Variants in PIP4P2 observed in about 807,000 individuals in gnomAD.
The protein encoded by PIP4P2 is type 2 phosphatidylinositol 4,5-bisphosphate 4-phosphatase.
Under a neutral mutation model 33.3 loss-of-function variants are expected in PIP4P2, and 19 were observed. That is an observed-to-expected ratio of 0.57 (90% CI 0.40 to 0.84). The LOEUF (loss-of-function observed/expected upper bound fraction) is 0.84, where lower values mean the gene tolerates loss of function less well. PIP4P2 is among the 40% of genes least tolerant of loss of function. The pLI is 0.00. For synonymous variants in PIP4P2, 110 were observed against 111.9 expected (o/e 0.98, Z 0.11); for missense variants, 270 against 324.7 (o/e 0.83, Z 1.29).
At chr8:91,018,636 TC>T in intron 3 of PIP4P2, 123 bp from the exon 4 acceptor site, 1 of 1,458,280 alleles carries the variant, frequency 6.9e-7, no homozygotes, top group Admixed American at 2.1e-5. Flanking sequence ...GAATTAAATG[TC>T]AAGCTGGAGG....
intron 1 of PIP4P2, among the ~76,000 whole-genome samples, chr8:91,038,179 C>T (rs1422291548): frequency 6.6e-6 from 1 of 152,186 alleles, no homozygotes; most frequent in South Asian, 2.1e-4. Context: ...TATTAATAAT[C>T]TGTCTAGAAA....
intron 4 of PIP4P2, among the ~76,000 whole-genome samples, chr8:91,012,570 T>C (rs1244775592): frequency 6.6e-6 from 1 of 152,130 alleles, no homozygotes; most frequent in African/African-American, 2.4e-5. Flanking sequence ...GTTCCCCTAA[T>C]CAACAAAAAC....
chr8:91,001,132 A>G (rs1811692728), intron 5 of PIP4P2, among the ~76,000 whole-genome samples: 1 of 152,132 alleles, frequency 6.6e-6, no homozygotes, highest in Admixed American at 6.6e-5. Context: ...AATAAATAAC[A>G]CATAAAAATA....
chr8:91,040,835 C>CGCTGCTGCCGCTGCA lies in PIP4P2; in HGVS notation c.-101_-87dup, dbSNP rs1479113741. On this transcript the variant is annotated 5_prime_UTR_variant, in exon 1 of 7. Transcript: ENST00000285419. ...TGGCTACTGCTGCTGCCTCTGCTGC[C>CGCTGCTGCCGCTGCA]GCTGCTGCCGCTGCAGCTGCTGCTG... 8.6e-7 allele frequency: 1 copy of CGCTGCTGCCGCTGCA among 1,167,184 alleles called. No homozygotes were observed. Among genetic ancestry groups the CGCTGCTGCCGCTGCA allele is most frequent in the Non-Finnish European group, 1.2e-6 (1 of 825,132 alleles). 72.3% of individuals were successfully genotyped at this position (1,167,184 alleles called of 1,614,324 possible).
intron 1 of PIP4P2, among the ~76,000 whole-genome samples, chr8:91,028,212 A>C (rs920096137): frequency 1.3e-5 from 2 of 152,342 alleles, no homozygotes; most frequent in Middle Eastern, 3.4e-3. Flanking sequence ...GCTTGGTTGT[A>C]TATCTTAGAA....
At chr8:91,008,114 T>C (rs1811786418) in intron 5 of PIP4P2, among the ~76,000 whole-genome samples, 1 of 152,176 alleles carries the variant, frequency 6.6e-6, no homozygotes, top group Admixed American at 6.5e-5. Flanking sequence ...TACAACTATA[T>C]ATTAATTTCT....
Position 91,021,304 on chromosome 8 carries a change from G to C in PIP4P2, c.207C>G (p.Gly69=), listed in dbSNP as rs1188312694. Reference sequence around the variant, plus strand: ...ACTTAACCACATGCTGGTGAAGCTTGCCATCCAAATTGATTAGTGATTGGC... The same window carrying C: ...ACTTAACCACATGCTGGTGAAGCTTCCCATCCAAATTGATTAGTGATTGGC... ...RVCQSLINLD[G]KLHQHVVKCT... The change falls in exon 2 of 7, where the codon GGC becomes GGG. Residue 69 remains glycine, a synonymous_variant. Coordinates refer to ENST00000285419, the MANE Select transcript of PIP4P2 (RefSeq NM_018710.3). 6.2e-7 allele frequency: 1 copy of C among 1,613,698 alleles called. No homozygotes were observed. The highest frequency in any genetic ancestry group is 8.5e-7 in the Non-Finnish European group (1 of 1,179,814).
chr8:90,997,944 T>C (rs1008758319), intron 5 of PIP4P2, among the ~76,000 whole-genome samples: 6 of 152,114 alleles, frequency 3.9e-5, no homozygotes, highest in Admixed American at 1.3e-4. Flanking sequence ...TCGTAAATTT[T>C]CCTGGGTACT....
intron 1 of PIP4P2, among the ~76,000 whole-genome samples, chr8:91,033,144 T>C (rs1812194302): frequency 6.6e-6 from 1 of 152,220 alleles, no homozygotes; most frequent in Non-Finnish European, 1.5e-5. Flanking sequence ...TAAATAATTG[T>C]TGAATGAAAT....
intron 1 of PIP4P2, among the ~76,000 whole-genome samples, chr8:91,036,521 A>G (rs1347496860): frequency 6.6e-6 from 1 of 152,094 alleles, no homozygotes; most frequent in Non-Finnish European, 1.5e-5. Flanking sequence ...AGCCCTGTTC[A>G]ATCCACCTCC....
At chr8:90,999,541 C>A (rs926381199) in intron 5 of PIP4P2, among the ~76,000 whole-genome samples, 1 of 151,964 alleles carries the variant, frequency 6.6e-6, no homozygotes, top group African/African-American at 2.4e-5. Context: ...CTGTACTCAT[C>A]ACTTTTGTTC....
At chr8:91,033,006 CCAAAATT>C (rs1186873247) in intron 1 of PIP4P2, among the ~76,000 whole-genome samples, 6 of 152,062 alleles carry the variant, frequency 3.9e-5, no homozygotes. Flanking sequence ...GGCAAACCTT[CCAAAATT>C]TTAACAGAAT....
intron 1 of PIP4P2, among the ~76,000 whole-genome samples, chr8:91,029,710 T>C (rs1384252959): frequency 6.6e-6 from 1 of 152,076 alleles, no homozygotes; most frequent in East Asian, 1.9e-4. Flanking sequence ...AGTATTAAGA[T>C]ATGTAGTGCA....
rs1386185397 is a variant in PIP4P2 at position 90,994,938 on chromosome 8, T to C, written c.*739A>G. 1 of 152,096 alleles carries C rather than the reference T, an allele frequency of 6.6e-6. No homozygotes were observed. Among genetic ancestry groups the C allele is most frequent in the African/African-American group, 2.4e-5 (1 of 41,446 alleles). The allele number at this position is 152,096 out of a possible 1,614,324, so 9.4% of individuals were successfully genotyped here. On this transcript the variant is annotated 3_prime_UTR_variant, in exon 7 of 7. Transcript: ENST00000285419. ...ATTAAATTCCATAATCCAGACCAGA[T>C]CTTTTATAAATGGTAAATAAAAAGG... is the stretch of plus-strand genomic sequence containing the variant.
intron 5 of PIP4P2, among the ~76,000 whole-genome samples, chr8:91,004,658 TG>T (rs887149538): frequency 6.6e-6 from 1 of 152,110 alleles, no homozygotes; most frequent in Non-Finnish European, 1.5e-5. Context: ...CCAAAGAGAA[TG>T]GGGTGCAATA....
At chr8:91,040,600 A>G (rs776674864) in intron 1 of PIP4P2, 44 bp downstream of exon 1, 2 of 1,608,018 alleles carry the variant, frequency 1.2e-6, no homozygotes, top group Admixed American at 3.3e-5. Context: ...GTTTCCTTGC[A>G]AATCTACTTC....
intron 1 of PIP4P2, among the ~76,000 whole-genome samples, chr8:91,030,542 T>C (rs1047775341): frequency 1.3e-5 from 2 of 152,214 alleles, no homozygotes; most frequent in Non-Finnish European, 2.9e-5. Context: ...TTATTACATA[T>C]TAAATTTTTA....
At chr8:91,030,100 T>G (rs1019481603) in intron 1 of PIP4P2, among the ~76,000 whole-genome samples, 1 of 151,808 alleles carries the variant, frequency 6.6e-6, no homozygotes, top group East Asian at 1.9e-4. Flanking sequence ...GTGTAGAATT[T>G]AAATGTTACA....
intron 1 of PIP4P2, among the ~76,000 whole-genome samples, chr8:91,031,219 T>C (rs1245117122): frequency 6.6e-6 from 1 of 152,194 alleles, no homozygotes; most frequent in African/African-American, 2.4e-5. Context: ...TTCTATAAAC[T>C]TGGAAAATGC....
Sources: gnomAD v4.1 joint callset for allele counts (sites outside exome capture counted in the v4.1 genomes callset) on GRCh38, gnomAD v4.1.1 for gene constraint, MANE v1.5 for transcripts, NCBI Gene and HGNC (gene_info 2026-07-23, HGNC 2026-07-21) for gene names.